Variants in ARHGEF9 observed in about 807,000 individuals in gnomAD.
ARHGEF9 encodes rho guanine nucleotide exchange factor 9.
Under a neutral mutation model 41.3 loss-of-function variants are expected in ARHGEF9, and 2 were observed. The observed-to-expected ratio is 0.05, with a 90% CI of 0.02 to 0.15. The LOEUF (loss-of-function observed/expected upper bound fraction) is 0.15, where lower values mean the gene tolerates loss of function less well. Among genes scored for constraint, ARHGEF9 ranks in the 10% least tolerant of loss-of-function variants. The pLI, the probability that ARHGEF9 is intolerant of heterozygous loss-of-function variation, is 1.00. For synonymous variants in ARHGEF9, 160 were observed against 154.4 expected, an observed-to-expected ratio of 1.04 and a Z score of -0.27; for missense variants, 225 against 424.7, an observed-to-expected ratio of 0.53 and a Z score of 4.13.
intron 4 of ARHGEF9, among the ~76,000 whole-genome samples, chrX:63,693,311 A>C (rs1460492505): frequency 2.7e-5 from 3 of 111,859 alleles, no homozygotes; most frequent in African/African-American, 9.7e-5. Context: ...AATTACCCTG[A>C]TTTAATCATT....
chrX:63,723,910 C>G (rs1477650766), intron 2 of ARHGEF9, among the ~76,000 whole-genome samples: 1 of 112,327 alleles, frequency 8.9e-6, no homozygotes, highest in Non-Finnish European at 1.9e-5. Context: ...ATGCCACTTG[C>G]TTCCCACCCC....
intron 7 of ARHGEF9, among the ~76,000 whole-genome samples, chrX:63,660,400 AGGTGGGAGGAG>A (rs2049144185): frequency 1.8e-5 from 2 of 110,434 alleles, no homozygotes; most frequent in Admixed American, 1.9e-4. Context: ...TGAGGGTGGA[AGGTGGGAGGAG>A]GGTGGGAATA....
chrX:63,734,609 A>G (rs1266417137), intron 1 of ARHGEF9, among the ~76,000 whole-genome samples: 3 of 111,888 alleles, frequency 2.7e-5, no homozygotes, highest in African/African-American at 9.8e-5. Context: ...AGAAACCAGA[A>G]TCTCTGGAAC....
At chrX:63,744,970 T>C (rs1342676697) in intron 1 of ARHGEF9, among the ~76,000 whole-genome samples, 1 of 111,422 alleles carries the variant, frequency 9.0e-6, no homozygotes, top group Non-Finnish European at 1.9e-5. Flanking sequence ...CTCCTCTGCC[T>C]CTATCCCAAT....
intron 9 of ARHGEF9, among the ~76,000 whole-genome samples, chrX:63,639,096 C>T (rs1465801709): frequency 8.9e-6 from 1 of 111,766 alleles, no homozygotes; most frequent in Non-Finnish European, 1.9e-5. Context: ...AGGAAGGCTT[C>T]TCTGCTGCTC....
At chrX:63,777,630 T>C (rs149690587) in intron 1 of ARHGEF9, among the ~76,000 whole-genome samples, 230 of 112,562 alleles carry the variant, frequency 2.0e-3, no homozygotes, top group African/African-American at 7.3e-3. Context: ...ACTTCTTAGA[T>C]ACAATGAAAT....
Position 63,767,198 on chromosome X carries a change from A to G in ARHGEF9, c.30+17918T>C, listed in dbSNP as rs2056127170. The G allele has an allele frequency of 5.4e-5, 35 of 643,519 alleles. No individual in the cohort carries two copies. In the South Asian group the frequency reaches 6.7e-4, roughly 12 times the overall value. The allele number at this position is 643,519 out of a possible 1,213,427, so 53.0% of individuals were successfully genotyped here. On this transcript the variant is annotated intron_variant, in intron 1 of 9. Coordinates refer to ENST00000671741, the MANE Select transcript of ARHGEF9 (RefSeq NM_001353921.2). ...TAAACCAGCTTGGTGCAGTTTGGCT[A>G]GTTTAAGGAGACTGGCTGAAGCTCT...
intron 8 of ARHGEF9, among the ~76,000 whole-genome samples, chrX:63,645,984 G>T (rs1287841805): frequency 8.9e-6 from 1 of 112,188 alleles, no homozygotes; most frequent in Non-Finnish European, 1.9e-5. Flanking sequence ...GGCCAGTGAT[G>T]ATGAGCATTT....
rs150815610 is a variant in ARHGEF9 at position 63,722,524 on chromosome X, G to A, written c.210+2008C>T. Among the ~76,000 whole-genome samples the A allele has an allele frequency of 3.6e-3, 382 of 107,578 alleles. 2 individuals are homozygous for A. Among genetic ancestry groups the A allele is most frequent in the Non-Finnish European group, 2.9e-3 (149 of 52,158 alleles). The allele number at this position is 107,578 out of a possible 115,157, so 93.4% of individuals were successfully genotyped here. A position where few individuals can be genotyped will look rare whatever the true frequency, so the allele number is the denominator to read the frequency against. ...TTGTTCCTGTAGGAACACTCCTCCC[G>A]GCCTTGGACTTAGGGGCATTAATGG... On this transcript the variant is annotated intron_variant, in intron 2 of 9. Transcript: ENST00000671741.
intron 1 of ARHGEF9, chrX:63,737,192 A>G (rs1177834904): frequency 1.8e-5 from 2 of 112,184 alleles, no homozygotes; most frequent in African/African-American, 6.5e-5. Context: ...CCCCACGACC[A>G]GATGATTTTT....
intron 8 of ARHGEF9, among the ~76,000 whole-genome samples, chrX:63,649,903 T>G (rs1401511753): frequency 9.0e-6 from 1 of 111,505 alleles, no homozygotes; most frequent in Non-Finnish European, 1.9e-5. Context: ...TCTGATTTTG[T>G]AAAAATCAAA....
At chrX:63,746,127 C>T (rs1304222777) in intron 1 of ARHGEF9, among the ~76,000 whole-genome samples, 2 of 111,462 alleles carry the variant, frequency 1.8e-5, no homozygotes, top group Non-Finnish European at 3.8e-5. Context: ...GCTCCTAAGG[C>T]CTTTTCTTGT....
At chrX:63,712,590 C>G (rs2053014732) in intron 2 of ARHGEF9, among the ~76,000 whole-genome samples, 1 of 111,232 alleles carries the variant, frequency 9.0e-6, no homozygotes, top group Non-Finnish European at 1.9e-5. Context: ...ACAGTTTTAT[C>G]TATTAAAAAT....
At chrX:63,751,233 T>C (rs1287444383) in intron 1 of ARHGEF9, among the ~76,000 whole-genome samples, 5 of 111,047 alleles carry the variant, frequency 4.5e-5, no homozygotes, top group East Asian at 2.8e-4. Flanking sequence ...TTCTCTTTTT[T>C]ACTTCTCACC....
chrX:63,718,843 C>T (rs1239639202), intron 2 of ARHGEF9, among the ~76,000 whole-genome samples: 1 of 111,489 alleles, frequency 9.0e-6, no homozygotes, highest in Non-Finnish European at 1.9e-5. Flanking sequence ...GAGGGATAGG[C>T]TATATGACTC....
intron 4 of ARHGEF9, among the ~76,000 whole-genome samples, chrX:63,690,890 A>G (rs371245849): frequency 8.9e-6 from 1 of 112,294 alleles, no homozygotes; most frequent in African/African-American, 3.2e-5. Context: ...AACCTGTATG[A>G]TCACTTCAAT....
At chrX:63,686,664 A>C (rs1475449969) in intron 4 of ARHGEF9, among the ~76,000 whole-genome samples, 1 of 111,484 alleles carries the variant, frequency 9.0e-6, no homozygotes, top group Non-Finnish European at 1.9e-5. Flanking sequence ...CAAAATATAT[A>C]ATTCTCATAA....
In ARHGEF9 at chrX:63,724,616, G is replaced by A. The variant is rs2147624145; in HGVS notation, c.126C>T (p.Ile42=). The change falls in exon 2 of 10, where the codon ATC becomes ATT. Residue 42 remains isoleucine, a synonymous_variant. Coordinates refer to ENST00000671741, the MANE Select transcript of ARHGEF9 (RefSeq NM_001353921.2). ...RELAFKAGDV[I]KVLDASNKDW... is the part of the protein sequence containing the mutation. ...CCTTGTTGGAAGCATCCAAGACTTTGATGACGTCGCCAGCTTTAAATGCCA... is the reference window on the plus strand; with the variant it reads ...CCTTGTTGGAAGCATCCAAGACTTTAATGACGTCGCCAGCTTTAAATGCCA... 2 of 1,211,350 alleles carry A rather than the reference G, an allele frequency of 1.7e-6. No individual in the cohort carries two copies. Among genetic ancestry groups the A allele is most frequent in the Non-Finnish European group, 2.2e-6 (2 of 895,410 alleles).
intron 1 of ARHGEF9, among the ~76,000 whole-genome samples, chrX:63,727,780 C>T (rs191683548): frequency 1.1e-4 from 12 of 112,246 alleles, no homozygotes; most frequent in Middle Eastern, 4.6e-3. Context: ...TTCATTCAAG[C>T]CTCACAGCAG....
Sources: gnomAD v4.1 joint callset for allele counts (sites outside exome capture counted in the v4.1 genomes callset) on GRCh38, gnomAD v4.1.1 for gene constraint, MANE v1.5 for transcripts, NCBI Gene and HGNC (gene_info 2026-07-23, HGNC 2026-07-21) for gene names.